Variants in LPP observed in about 807,000 individuals in gnomAD.
LPP encodes LIM domain containing preferred translocation partner in lipoma.
Under a neutral mutation model 60.4 loss-of-function variants are expected in LPP, and 38 were observed. The ratio of observed to expected loss-of-function variants is 0.63; its 90% CI spans 0.49 to 0.83. LPP has a LOEUF of 0.83. LPP is among the 40% of genes least tolerant of loss of function. LPP has a pLI of 0.00. For missense variants in LPP, 902 were observed against 783.6 expected, an observed-to-expected ratio of 1.15 and a Z score of -1.80; for synonymous variants, 328 against 290.8, an observed-to-expected ratio of 1.13 and a Z score of -1.30.
rs540431523 is a variant in LPP at position 188,223,480 on chromosome 3, TC to T, written c.-189-1924del. Among the ~76,000 whole-genome samples the T allele has an allele frequency of 2.0e-4, 31 of 152,326 alleles. No individual in the cohort carries two copies. The Middle Eastern group carries it at 0.01, about 50-fold the overall frequency. The stretch of plus-strand genomic sequence containing the variant: ...CTAATGGTTTGTTTGCATGGGAACT[TC>T]AATCATTTCACAGTGGTTCTTTAGC... On this transcript the variant is annotated intron_variant, in intron 1 of 11. Transcript: ENST00000617246.
chr3:188,371,641 A>ATATATATTTTT (rs1553878071), intron 3 of LPP, among the ~76,000 whole-genome samples: 2 of 32,172 alleles, frequency 6.2e-5, no homozygotes, highest in African/African-American at 1.2e-4. Context: ...ATATATATAT[A>ATATATATTTTT]TTTTTTTTTT....
At chr3:188,281,431 G>T (rs535426158) in intron 2 of LPP, among the ~76,000 whole-genome samples, 1 of 151,118 alleles carries the variant, frequency 6.6e-6, no homozygotes, top group Non-Finnish European at 1.5e-5. Flanking sequence ...GCGAAACCCC[G>T]TCTCTACTAA....
intron 7 of LPP, among the ~76,000 whole-genome samples, chr3:188,644,844 C>T (rs980403709): frequency 1.3e-5 from 2 of 152,110 alleles, no homozygotes; most frequent in African/African-American, 4.8e-5. Context: ...GTAGCTGTGG[C>T]TTGGTGCAGG....
intron 2 of LPP, among the ~76,000 whole-genome samples, chr3:188,275,619 G>A (rs1297193153): frequency 6.6e-6 from 1 of 152,110 alleles, no homozygotes; most frequent in East Asian, 1.9e-4. Context: ...AGCAATGATG[G>A]TCCAGTCTAA....
chr3:188,241,098 T>C lies in LPP; in HGVS notation c.-67+15571T>C, dbSNP rs138277095. On this transcript the variant is annotated intron_variant, in intron 2 of 11. Transcript: ENST00000617246. Reference sequence around the variant, plus strand: ...CACAGTTTTATCAGGGAAGTGTCAATAGAGGGTTAATGTTCCACGTAGTGG... The same window carrying C: ...CACAGTTTTATCAGGGAAGTGTCAACAGAGGGTTAATGTTCCACGTAGTGG... 1.2e-3 allele frequency among the ~76,000 whole-genome samples: 183 copies of C among 152,294 alleles called. 1 individual carries two copies. The highest frequency in any genetic ancestry group is 1.9e-3 in the Non-Finnish European group (129 of 68,034).
intron 2 of LPP, among the ~76,000 whole-genome samples, chr3:188,309,743 T>C (rs559860895): frequency 6.6e-6 from 1 of 152,328 alleles, no homozygotes; most frequent in East Asian, 1.9e-4. Context: ...TTGCTTGTTT[T>C]GAAAATGGGC....
intron 6 of LPP, among the ~76,000 whole-genome samples, chr3:188,563,458 A>ATGTGTGTGTGTGTGTGTGTG (rs966931196): frequency 4.7e-4 from 36 of 76,066 alleles, no homozygotes; most frequent in African/African-American, 1.6e-3. Context: ...ATTTACATAT[A>ATGTGTGTGTGTGTGTGTGTG]TATGTGTGTG....
intron 9 of LPP, among the ~76,000 whole-genome samples, chr3:188,844,077 T>A (rs1179476835): frequency 6.6e-6 from 1 of 152,218 alleles, no homozygotes; most frequent in Non-Finnish European, 1.5e-5. Flanking sequence ...AAGCTGATTA[T>A]GGATGGCATA....
chr3:188,868,506 A>C (rs898964229), intron 10 of LPP, among the ~76,000 whole-genome samples: 2 of 152,240 alleles, frequency 1.3e-5, no homozygotes, highest in African/African-American at 4.8e-5. Context: ...TTAAAACATA[A>C]ATTAAAAATG....
intron 9 of LPP, among the ~76,000 whole-genome samples, chr3:188,796,463 A>G (rs1475476058): frequency 1.3e-5 from 2 of 152,268 alleles, no homozygotes; most frequent in East Asian, 3.9e-4. Flanking sequence ...TTTTCCTGAA[A>G]GGTCTTTGGC....
intron 2 of LPP, among the ~76,000 whole-genome samples, chr3:188,266,330 G>A (rs1180395989): frequency 6.6e-6 from 1 of 152,166 alleles, no homozygotes; most frequent in African/African-American, 2.4e-5. Context: ...CACAGAACTT[G>A]CTTATTCCAA....
chr3:188,501,141 A>G (rs1390449740), intron 5 of LPP, among the ~76,000 whole-genome samples: 1 of 151,762 alleles, frequency 6.6e-6, no homozygotes, highest in Non-Finnish European at 1.5e-5. Context: ...CTGTAGATTT[A>G]GGTTGTTGGT....
intron 7 of LPP, among the ~76,000 whole-genome samples, chr3:188,669,497 A>G (rs985980697): frequency 3.3e-5 from 5 of 152,128 alleles, no homozygotes; most frequent in African/African-American, 1.2e-4. Flanking sequence ...AATGGTGTGA[A>G]CCTGGGAGGC....
chr3:188,822,141 C>T (rs1222701652), intron 9 of LPP, among the ~76,000 whole-genome samples: 3 of 152,056 alleles, frequency 2.0e-5, no homozygotes, highest in East Asian at 1.9e-4. Flanking sequence ...TCTCTACTAG[C>T]TAAGTTGTCT....
chr3:188,857,095 A>G (rs1221455393), intron 9 of LPP, among the ~76,000 whole-genome samples: 1 of 152,158 alleles, frequency 6.6e-6, no homozygotes, highest in African/African-American at 2.4e-5. Flanking sequence ...TGCGTCCTGG[A>G]CTTTTTCACA....
intron 4 of LPP, among the ~76,000 whole-genome samples, chr3:188,441,132 A>G (rs1793722194): frequency 6.6e-6 from 1 of 152,096 alleles, no homozygotes. Flanking sequence ...ATACTATGCT[A>G]TCATTGAATT....
intron 2 of LPP, among the ~76,000 whole-genome samples, chr3:188,264,574 G>A (rs571603432): frequency 1.2e-4 from 18 of 152,116 alleles, no homozygotes; most frequent in Non-Finnish European, 2.5e-4. Context: ...AAATGAGGTA[G>A]GGGAGGGAGG....
chr3:188,632,628 G>A (rs1560674482), intron 7 of LPP, among the ~76,000 whole-genome samples: 1 of 152,144 alleles, frequency 6.6e-6, no homozygotes, highest in Non-Finnish European at 1.5e-5. Flanking sequence ...TTCTGTTCTG[G>A]AACCCCTTAA....
intron 9 of LPP, among the ~76,000 whole-genome samples, chr3:188,778,208 A>T (rs1325236127): frequency 6.6e-6 from 1 of 152,150 alleles, no homozygotes; most frequent in Non-Finnish European, 1.5e-5. Context: ...TAATGGAGAA[A>T]TTTTTTTCTC....
Sources: gnomAD v4.1 joint callset for allele counts (sites outside exome capture counted in the v4.1 genomes callset) on GRCh38, gnomAD v4.1.1 for gene constraint, MANE v1.5 for transcripts, NCBI Gene and HGNC (gene_info 2026-07-23, HGNC 2026-07-21) for gene names.